Variants in AVL9 observed in about 807,000 individuals in gnomAD.
The protein encoded by AVL9 is late secretory pathway protein AVL9 homolog.
Under a neutral mutation model 79.2 loss-of-function variants are expected in AVL9, and 49 were observed. The ratio of observed to expected loss-of-function variants is 0.62; its 90% CI spans 0.49 to 0.79. The LOEUF (loss-of-function observed/expected upper bound fraction) is 0.79, where lower values mean the gene tolerates loss of function less well. Among genes scored for constraint, AVL9 ranks in the 30% least tolerant of loss-of-function variants. AVL9 has a pLI of 0.00. For missense variants in AVL9, 682 were observed against 776.8 expected (o/e 0.88, Z 1.45); for synonymous variants, 299 against 280.6 (o/e 1.07, Z -0.65).
intron 4 of AVL9, among the ~76,000 whole-genome samples, chr7:32,550,793 AAATGT>A (rs748299112): frequency 2.6e-5 from 4 of 152,220 alleles, no homozygotes; most frequent in Non-Finnish European, 5.9e-5. Context: ...AGAGGACAAA[AAATGT>A]AATCATGAAT....
chr7:32,565,977 C>CAAAA (rs70992730), intron 10 of AVL9, among the ~76,000 whole-genome samples: 80 of 139,296 alleles, frequency 5.7e-4, no homozygotes, highest in African/African-American at 2.0e-3. Context: ...CACTGCACTC[C>CAAAA]AAAAAAAAAA....
chr7:32,499,219 T>C (rs933707138), intron 1 of AVL9, among the ~76,000 whole-genome samples: 3 of 152,162 alleles, frequency 2.0e-5, no homozygotes, highest in East Asian at 3.9e-4. Flanking sequence ...AAATAATTTA[T>C]GGATACCTTC....
Position 32,583,904 on chromosome 7 carries a change from T to G in AVL9, c.1944T>G (p.Pro648=). ...QSLTEPPDEK[P] ...TCACTGAGCCACCAGATGAGAAGCC[T>G]TGAGCAAGGCGTCAGAGGCTGCTAT... Residue 648 remains proline (P), a synonymous_variant, in exon 16 of 16, where the codon CCT becomes CCG. Transcript: ENST00000318709. The G allele has an allele frequency of 1.2e-5, 20 of 1,611,024 alleles. No homozygotes were observed. The highest frequency in any genetic ancestry group is 1.7e-5 in the Non-Finnish European group (20 of 1,177,174).
intron 4 of AVL9, 27 bp downstream of exon 4, chr7:32,548,945 A>G (rs1789665711): frequency 2.7e-6 from 4 of 1,460,412 alleles, no homozygotes; most frequent in Non-Finnish European, 3.7e-6. Flanking sequence ...CTTGTTCATT[A>G]TGTTAAACCT....
rs1184217084 is a variant in AVL9 at position 32,566,664 on chromosome 7, G to A, written c.1216-3356G>A. The stretch of plus-strand genomic sequence containing the variant: ...GAGACCGAGGCGGGCAGATCACGAG[G>A]TCAGGAGATCGAGACCATCCTGGCT... On this transcript the variant is annotated intron_variant, in intron 10 of 15. Transcript: ENST00000318709. Among the ~76,000 whole-genome samples the A allele has an allele frequency of 5.3e-5, 8 of 151,792 alleles. No individual in the cohort carries two copies. The East Asian group carries it at 7.7e-4, about 15-fold the overall frequency.
chr7:32,579,335 A>G (rs577487205), intron 13 of AVL9, among the ~76,000 whole-genome samples: 2,409 of 31,534 alleles, frequency 0.076, 145 homozygotes, highest in African/African-American at 0.2. Context: ...TATAATATAT[A>G]TAACACATAT....
chr7:32,538,770 A>G (rs549002827), intron 1 of AVL9: 1 of 152,332 alleles, frequency 6.6e-6, no homozygotes, highest in East Asian at 1.9e-4. Context: ...TCACCAGTCA[A>G]GGGATTTTGT....
intron 10 of AVL9, among the ~76,000 whole-genome samples, chr7:32,566,578 CCAAA>C (rs1790581336): frequency 1.3e-5 from 2 of 151,682 alleles, no homozygotes. Flanking sequence ...ATCTAGTAGG[CCAAA>C]CAAATGTGAC....
chr7:32,505,459 G>A (rs1197134702), intron 1 of AVL9, among the ~76,000 whole-genome samples: 2 of 151,586 alleles, frequency 1.3e-5, no homozygotes, highest in Non-Finnish European at 2.9e-5. Context: ...GAAGGCGGAG[G>A]TTGCAGTGAG....
intron 1 of AVL9, among the ~76,000 whole-genome samples, chr7:32,506,666 A>G (rs1787425582): frequency 1.3e-5 from 2 of 152,068 alleles, no homozygotes; most frequent in Non-Finnish European, 2.9e-5. Context: ...TAATCCCAGC[A>G]CTTCGGGAGG....
rs574862889 is a variant in AVL9, at chr7:32,551,556, T to G, written c.462+133T>G. The G allele has an allele frequency of 8.5e-6, 3 of 354,262 alleles. No individual in the cohort carries two copies. The South Asian group carries it at 2.4e-4, about 29-fold the overall frequency. 21.9% of individuals were successfully genotyped at this position (354,262 alleles called of 1,614,324 possible). A position where few individuals can be genotyped will look rare whatever the true frequency, so the allele number is the denominator to read the frequency against. ...TTCTAATGTGAAAACGCATTTGCAT[T>G]AAAACATTGAAAGACTAGGAATCTG... On this transcript the variant is annotated intron_variant, in intron 5 of 15. Coordinates refer to ENST00000318709, the MANE Select transcript of AVL9 (RefSeq NM_015060.3).
intron 1 of AVL9, among the ~76,000 whole-genome samples, chr7:32,504,226 A>T (rs1482130394): frequency 6.6e-6 from 1 of 152,226 alleles, no homozygotes; most frequent in Non-Finnish European, 1.5e-5. Context: ...AATTTAATAA[A>T]TCAATTGATT....
chr7:32,520,598 T>C (rs1382326594), intron 1 of AVL9, among the ~76,000 whole-genome samples: 1 of 152,176 alleles, frequency 6.6e-6, no homozygotes, highest in East Asian at 1.9e-4. Flanking sequence ...GATGAAGCAG[T>C]TGATACGCTT....
chr7:32,557,710 C>T lies in AVL9; in HGVS notation c.610-849C>T, dbSNP rs569395316. 5.1e-4 allele frequency among the ~76,000 whole-genome samples: 77 copies of T among 152,102 alleles called. 1 individual carries two copies. Among genetic ancestry groups the T allele is most frequent in the African/African-American group, 1.2e-3 (50 of 41,500 alleles). On this transcript the variant is annotated intron_variant, in intron 8 of 15. Transcript: ENST00000318709. ...GTGGTTGCCACCTCAATAGCTAATCCGTAGAATGATAAATTTCAGACATTG... is the reference window on the plus strand; with the variant it reads ...GTGGTTGCCACCTCAATAGCTAATCTGTAGAATGATAAATTTCAGACATTG...
In AVL9 at chr7:32,503,335, T is replaced by TAG. The variant is rs1196446089; in HGVS notation, c.93+7534_93+7535insGA. ...CTACTAAAAGATATATATATATATCTATATATATAGATATAGATATAGAGA... is the reference window on the plus strand; with the variant it reads ...CTACTAAAAGATATATATATATATCTAGATATATATAGATATAGATATAGAGA... On this transcript the variant is annotated intron_variant, in intron 1 of 15. Transcript: ENST00000318709. 8.3e-5 allele frequency among the ~76,000 whole-genome samples: 8 copies of TAG among 96,456 alleles called. No individual in the cohort carries two copies. In the East Asian group the frequency reaches 9.9e-4, roughly 12 times the overall value. The allele number at this position is 96,456 out of a possible 152,430, so 63.3% of individuals were successfully genotyped here.
intron 1 of AVL9, among the ~76,000 whole-genome samples, chr7:32,524,179 T>G (rs1448676392): frequency 1.3e-5 from 2 of 152,070 alleles, no homozygotes; most frequent in African/African-American, 4.8e-5. Context: ...TTAAACAGAC[T>G]TTATGTAAGG....
At position 32,559,232 on chromosome 7, in the gene AVL9, A is replaced by G. The variant is rs1675155678; in HGVS notation, c.983A>G (p.Glu328Gly). 6.2e-7 allele frequency: 1 copy of G among 1,614,264 alleles called. No individual in the cohort carries two copies. Among genetic ancestry groups the G allele is most frequent in the Non-Finnish European group, 8.5e-7 (1 of 1,180,038 alleles). ...PPSRPSPDSS[E>G]SDWETLDPSV... Reference sequence around the variant, plus strand: ...TCTCGCCCATCTCCAGATTCTTCAGAAAGTGACTGGGAAACTTTGGATCCT... The same window carrying G: ...TCTCGCCCATCTCCAGATTCTTCAGGAAGTGACTGGGAAACTTTGGATCCT... The change falls in exon 10 of 16, where the codon GAA becomes GGA. Residue 328 changes from glutamate (E) to glycine (G), a missense_variant. Transcript: ENST00000318709.
intron 8 of AVL9, among the ~76,000 whole-genome samples, chr7:32,556,624 T>A (rs550809533): frequency 5.9e-4 from 90 of 152,282 alleles, no homozygotes; most frequent in South Asian, 2.9e-3. Flanking sequence ...TTTCAAAAAA[T>A]TTTATTTAAT....
chr7:32,523,229 A>T (rs1016625393), intron 1 of AVL9, among the ~76,000 whole-genome samples: 3 of 150,296 alleles, frequency 2.0e-5, no homozygotes, highest in African/African-American at 7.3e-5. Flanking sequence ...AAATTTGGGG[A>T]TGGTTATTCA....
Sources: allele counts gnomAD v4.1 joint callset (sites outside exome capture counted in the v4.1 genomes callset), GRCh38; gene constraint gnomAD v4.1.1; transcripts MANE v1.5; gene names NCBI Gene and HGNC (gene_info 2026-07-23, HGNC 2026-07-21).